The following TTN variants were observed in gnomAD, a reference collection of about 807,000 sequenced individuals.
TTN encodes titin, also known as connectin.
TTN carries 1,525 observed loss-of-function variants against 3,223.0 expected under a neutral mutation model. That is an observed-to-expected ratio of 0.47 (90% CI 0.45 to 0.49). TTN has a LOEUF of 0.49. Among genes scored for constraint, TTN ranks in the 20% least tolerant of loss-of-function variants. TTN has a pLI of 0.00. For missense variants in TTN, 40,786 were observed against 43,424.0 expected, an observed-to-expected ratio of 0.94 and a Z score of 5.40; for synonymous variants, 14,094 against 15,161.0, an observed-to-expected ratio of 0.93 and a Z score of 5.17.
rs796978396 is a variant in TTN, at chr2:178,552,866, C to T, written c.90034G>A (p.Glu30012Lys). The change falls in exon 335 of 363, where the codon GAA (glutamate) becomes AAA (lysine). Residue 30012 changes from glutamate (E) to lysine (K), a missense_variant. By Grantham distance (56) the Glu-to-Lys change is moderately conservative (BLOSUM62 1). Coordinates refer to ENST00000589042, the MANE Select transcript of TTN (RefSeq NM_001267550.2). The part of the protein sequence containing the change: ...PFFFRVLAEN[E>K]IGIGEPCETT... Reference sequence around the variant, plus strand: ...TCACAGGGTTCCCCAATTCCAATTTCATTTTCTGCAAGAACTCTGAAGAAG... The same window carrying T: ...TCACAGGGTTCCCCAATTCCAATTTTATTTTCTGCAAGAACTCTGAAGAAG... 5 of 1,613,812 alleles carry T rather than the reference C, an allele frequency of 3.1e-6. No homozygotes were observed. The highest frequency in any genetic ancestry group is 4.2e-6 in the Non-Finnish European group (5 of 1,179,812).
chr2:178,562,800 C>T lies in TTN; in HGVS notation c.83332G>A (p.Val27778Met). The T allele has an allele frequency of 6.2e-7, 1 of 1,613,264 alleles. No individual in the cohort carries two copies. The highest frequency in any genetic ancestry group is 8.5e-7 in the Non-Finnish European group (1 of 1,179,586). Residue 27778 changes from valine (V) to methionine (M), a missense_variant, in exon 326 of 363, where the codon GTG becomes ATG. Val to Met is a conservative substitution (Grantham distance 21). Transcript: ENST00000589042. ...SAPVNLTIRE[V>M]KKDSVTLSWE... ...GACAACGTCACTGAGTCTTTCTTCA[C>T]TTCTCTTATGGTCAAATTCACAGGG...
chr2:178,639,577 C>T (rs1044520420), intron 223 of TTN, 122 bp downstream of exon 223: 1 of 1,007,878 alleles, frequency 9.9e-7, no homozygotes, highest in Non-Finnish European at 1.5e-6. Context: ...TTACCATAAA[C>T]CTCCGAAGTT....
chr2:178,744,606 T>C, intron 47 of TTN: 7 of 931,298 alleles, frequency 7.5e-6, no homozygotes, highest in Non-Finnish European at 9.0e-6. Context: ...TCAGTGAAAC[T>C]GATAGGAAAG....
At chr2:178,695,318 T>C (rs1187160532) in intron 115 of TTN, 30 bp downstream of exon 115, 2 of 1,575,764 alleles carry the variant, frequency 1.3e-6, no homozygotes, top group African/African-American at 1.3e-5. Context: ...GTTGATGCTC[T>C]AGTCTATTTA....
At position 178,586,788 on chromosome 2, in the gene TTN, C is replaced by G. The variant is rs2049074403; in HGVS notation, c.64113G>C (p.Arg21371Ser). 1 of 1,612,232 alleles carries G rather than the reference C, an allele frequency of 6.2e-7. No homozygotes were observed. Among genetic ancestry groups the G allele is most frequent in the South Asian group, 1.1e-5 (1 of 90,716 alleles). ...SDPLSEPDPP[R>S]KLEVTEMTKN... The stretch of plus-strand genomic sequence containing the variant: ...TGGTCATTTCAGTCACTTCTAATTT[C>G]CTTGGGGGATCCGGCTCACCTAGAA... Residue 21371 changes from arginine to serine, a missense_variant, in exon 308 of 363, where the codon AGG (arginine) becomes AGC (serine). By Grantham distance (110) the Arg-to-Ser change is moderately radical (BLOSUM62 -1). Coordinates refer to ENST00000589042, the MANE Select transcript of TTN (RefSeq NM_001267550.2).
chr2:178,794,699 A>T (rs1452374096), intron 7 of TTN, 148 bp from the exon 8 acceptor site: 7 of 1,120,570 alleles, frequency 6.2e-6, no homozygotes, highest in Non-Finnish European at 7.8e-6. Flanking sequence ...AGACTGTATC[A>T]TTAAAACCTG....
rs766331736 is a variant in TTN at position 178,579,947 on chromosome 2, T to C, written c.67340A>G (p.Lys22447Arg). 3 of 1,613,160 alleles carry C rather than the reference T, an allele frequency of 1.9e-6. No homozygotes were observed. The highest frequency in any genetic ancestry group is 8.5e-7 in the Non-Finnish European group (1 of 1,179,472). The change falls in exon 318 of 363, where the codon AAA becomes AGA. Residue 22447 changes from lysine to arginine, a missense_variant. By Grantham distance (26) the Lys-to-Arg change is conservative (BLOSUM62 2). Transcript: ENST00000589042. ...ATGGTTCATTTGCTTACGGGAAGCT[T>C]TGACAGCATCACGAGTTTCACCGGG... Reference protein sequence around the residue: ...GDPGETRDAVKASQTPGPVVD... With the variant: ...GDPGETRDAVRASQTPGPVVD...
intron 239 of TTN, 74 bp from the exon 240 acceptor site, chr2:178,629,517 T>C: frequency 6.3e-7 from 1 of 1,592,664 alleles, no homozygotes; most frequent in Non-Finnish European, 8.6e-7. Context: ...GACTTAGATA[T>C]GAATCTTCAT....
In TTN at chr2:178,532,414, G is replaced by A; in HGVS notation, c.104201C>T (p.Pro34734Leu). The change falls in exon 358 of 363, where the codon CCA becomes CTA. Residue 34734 changes from proline (P) to leucine (L), a missense_variant. Physicochemically the swap from Pro to Leu is moderately conservative, Grantham distance 98. Transcript: ENST00000589042. ...KDFRYSTYHIPTKAEASTSYA... is the reference protein window; with the variant it reads ...KDFRYSTYHILTKAEASTSYA... The stretch of plus-strand genomic sequence containing the variant: ...ACTTGTACTAGCTTCAGCCTTCGTT[G>A]GGATGTGATAGGTTGAATACCTGAA... 2 of 1,613,922 alleles carry A rather than the reference G, an allele frequency of 1.2e-6. No homozygotes were observed. Among genetic ancestry groups the A allele is most frequent in the African/African-American group, 1.3e-5 (1 of 75,032 alleles).
rs2065173007 is a variant in TTN, at chr2:178,663,574, T to C, written c.36532+53A>G. ...ATTATGAAGACCACTAGAAAAATAT[T>C]TTCCAGAGCAGAAGAGATACATCAT... On this transcript the variant is annotated intron_variant, in intron 171 of 362. Coordinates refer to ENST00000589042, the MANE Select transcript of TTN (RefSeq NM_001267550.2). 3.7e-6 allele frequency: 6 copies of C among 1,613,272 alleles called. No individual in the cohort carries two copies. The Admixed American group carries it at 8.3e-5, about 22-fold the overall frequency.
chr2:178,613,366 A>G, intron 263 of TTN, 90 bp from the exon 264 acceptor site: 1 of 1,051,384 alleles, frequency 9.5e-7, no homozygotes, highest in Non-Finnish European at 1.4e-6. Flanking sequence ...TAATTTATTT[A>G]AATTGTGAAA....
Position 178,735,535 on chromosome 2 carries a change from A to C in TTN, c.14911T>G (p.Cys4971Gly), listed in dbSNP as rs537312655. The C allele has an allele frequency of 1.2e-4, 186 of 1,594,258 alleles. 2 individuals carry two copies. The Admixed American group carries it at 2.9e-3, about 25-fold the overall frequency. ...CCTCTGACAGTGACTGTGGCTGAGCAGGAGCTGCTTCCAGCCTCATTTGAA... is the reference window on the plus strand; with the variant it reads ...CCTCTGACAGTGACTGTGGCTGAGCCGGAGCTGCTTCCAGCCTCATTTGAA... ...TASNEAGSSS[C>G]SATVTVREPP... Residue 4971 changes from cysteine to glycine, a missense_variant, in exon 50 of 363, where the codon TGC (cysteine) becomes GGC (glycine). Physicochemically the swap from Cys to Gly is radical, Grantham distance 159. Coordinates refer to ENST00000589042, the MANE Select transcript of TTN (RefSeq NM_001267550.2).
intron 102 of TTN, 148 bp from the exon 103 acceptor site, chr2:178,705,505 AATTT>A (rs2075719137): frequency 1.4e-6 from 1 of 697,478 alleles, no homozygotes; most frequent in South Asian, 3.3e-5. Context: ...GCTGTGAAAC[AATTT>A]AAAAATGTGG....
In TTN at chr2:178,766,475, G is replaced by A; in HGVS notation, c.9609C>T (p.His3203=). ...GTCTGGTCTCAGAGATAAACATTCGGTGGATTCTTCTTTCCACTACATATT... is the reference window on the plus strand; with the variant it reads ...GTCTGGTCTCAGAGATAAACATTCGATGGATTCTTCTTTCCACTACATATT... ...RHKYVVERRI[H]RMFISETRQS... is the part of the protein sequence containing the mutation. The change falls in exon 41 of 363, where the codon CAC becomes CAT. Residue 3203 remains histidine, a synonymous_variant. Transcript: ENST00000589042. The A allele has an allele frequency of 6.2e-7, 1 of 1,614,074 alleles. No individual in the cohort carries two copies. Among genetic ancestry groups the A allele is most frequent in the Non-Finnish European group, 8.5e-7 (1 of 1,179,966 alleles).
Position 178,650,161 on chromosome 2 carries a change from T to C in TTN, c.39817+3A>G. ...TTCCCATACAGTGGATTCTGCTTTG[T>C]ACCTGCTGGAGGTGGAACCTCTGGT... On this transcript the variant is annotated splice_donor_region_variant and intron_variant, in intron 210 of 362. Coordinates refer to ENST00000589042, the MANE Select transcript of TTN (RefSeq NM_001267550.2). 1 of 1,572,710 alleles carries C rather than the reference T, an allele frequency of 6.4e-7. No individual in the cohort carries two copies.
chr2:178,547,265 C>T lies in TTN; in HGVS notation c.94260G>A (p.Val31420=), dbSNP rs371477954. The change falls in exon 340 of 363, where the codon GTG becomes GTA. Residue 31420 remains valine, a synonymous_variant. Transcript: ENST00000589042. ...AACGAATAGACATGGCATTGGCAGA[C>T]ACATGGTAGACCTCAGGTCTGGTAG... is the stretch of plus-strand genomic sequence containing the variant. ...SAPTRPEVYH[V]SANAMSIRWE... The T allele has an allele frequency of 3.7e-6, 6 of 1,613,556 alleles. No individual in the cohort carries two copies. Among genetic ancestry groups the T allele is most frequent in the Middle Eastern group, 3.3e-4 (2 of 6,054 alleles).
Position 178,689,499 on chromosome 2 carries a change from AG to A in TTN, c.31927+15del. On this transcript the variant is annotated intron_variant, in intron 123 of 362. Transcript: ENST00000589042. ...AAGGAAAGACAAGGTTATTTCATGG[AG>A]ATGGGATTAAGTACCTGCTGGTGGT... The A allele has an allele frequency of 6.2e-7, 1 of 1,606,580 alleles. No homozygotes were observed. Among genetic ancestry groups the A allele is most frequent in the Non-Finnish European group, 8.5e-7 (1 of 1,175,658 alleles).
Position 178,747,519 on chromosome 2 carries a change from G to A in TTN, c.11312-5598C>T, listed in dbSNP as rs565101305. 3.7e-5 allele frequency: 60 copies of A among 1,613,262 alleles called. No homozygotes were observed. In the East Asian group the frequency reaches 1.2e-3, roughly 32 times the overall value. On this transcript the variant is annotated intron_variant, in intron 47 of 362. Transcript: ENST00000589042. The stretch of plus-strand genomic sequence containing the variant: ...ATGTCAGACTCAGGAGAAAGTGGAC[G>A]ACCTAGTGATTCCTGTTTCTGGTTG...
rs1442435326 is a variant in TTN at position 178,654,250 on chromosome 2, A to G, written c.38338T>C (p.Ser12780Pro). The change falls in exon 193 of 363, where the codon TCT becomes CCT. Residue 12780 changes from serine (S) to proline (P), a missense_variant. Ser to Pro is a moderately conservative substitution (Grantham distance 74). Coordinates refer to ENST00000589042, the MANE Select transcript of TTN (RefSeq NM_001267550.2). ...PKEVVLEKKV[S>P]VAVPKKPEAP... ...TCCGGTTTTTTGGGCACAGCCACAG[A>G]TACTTTCTTTTCAAGTACAACTTCT... 1.2e-6 allele frequency: 2 copies of G among 1,600,442 alleles called. No individual in the cohort carries two copies. Among genetic ancestry groups the G allele is most frequent in the South Asian group, 1.1e-5 (1 of 88,040 alleles).
Sources: allele counts gnomAD v4.1 joint callset, GRCh38; gene constraint gnomAD v4.1.1; transcripts MANE v1.5; gene names NCBI Gene and HGNC (gene_info 2026-07-23, HGNC 2026-07-21).